Variants in BCAS3 observed in about 807,000 individuals in gnomAD.
The protein encoded by BCAS3 is BCAS3 microtubule associated cell migration factor.
Under a neutral mutation model 116.1 loss-of-function variants are expected in BCAS3, and 53 were observed. That is an observed-to-expected ratio of 0.46 (90% CI 0.37 to 0.57). BCAS3 has a LOEUF of 0.57. Ranked by LOEUF, BCAS3 falls within the 20% of genes least tolerant of loss-of-function variation. The pLI is 0.00. For synonymous variants in BCAS3, 391 were observed against 408.2 expected (o/e 0.96, Z 0.51); for missense variants, 917 against 1,165.4 (o/e 0.79, Z 3.10).
chr17:61,330,145 G>A (rs181688595), intron 22 of BCAS3, among the ~76,000 whole-genome samples: 38 of 152,236 alleles, frequency 2.5e-4, no homozygotes, highest in Non-Finnish European at 5.1e-4. Flanking sequence ...TCTTTTCATA[G>A]GCTGAGAGAA....
At position 60,744,480 on chromosome 17, in the gene BCAS3, T is replaced by G. The variant is rs73990958; in HGVS notation, c.322-2718T>G. Among the ~76,000 whole-genome samples, 285 of 152,304 alleles carry G rather than the reference T, an allele frequency of 1.9e-3. 3 individuals are homozygous for G. The highest frequency in any genetic ancestry group is 6.5e-3 in the African/African-American group (272 of 41,560). ...TCCTTTCTAAAACGTATGGATCATATCTGTATAAACCTTAACTCTGTTTCT... is the reference window on the plus strand; with the variant it reads ...TCCTTTCTAAAACGTATGGATCATAGCTGTATAAACCTTAACTCTGTTTCT... On this transcript the variant is annotated intron_variant, in intron 5 of 23. Coordinates refer to ENST00000407086, the MANE Select transcript of BCAS3 (RefSeq NM_017679.5).
chr17:61,306,449 A>T (rs1028746378), intron 22 of BCAS3, among the ~76,000 whole-genome samples: 3 of 152,354 alleles, frequency 2.0e-5, no homozygotes, highest in African/African-American at 7.2e-5. Flanking sequence ...GAAAGTACTC[A>T]ATAGCACCAA....
At chr17:60,998,232 C>T (rs55776710) in intron 15 of BCAS3, among the ~76,000 whole-genome samples, 2 of 152,074 alleles carry the variant, frequency 1.3e-5, no homozygotes, top group African/African-American at 2.4e-5. Context: ...CACATTTAAA[C>T]AATCTAATCC....
rs1219616939 is a variant in BCAS3, at chr17:60,930,180, A to G, written c.1087+5680A>G. On this transcript the variant is annotated intron_variant, in intron 13 of 23. Transcript: ENST00000407086. The stretch of plus-strand genomic sequence containing the variant: ...CTTCTTTACCCATACATGTAACCAT[A>G]TATGTTTTAAAATTTATATTAGGAA... Among the ~76,000 whole-genome samples the G allele has an allele frequency of 2.0e-5, 3 of 152,322 alleles. No individual in the cohort carries two copies. The East Asian group carries it at 5.8e-4, about 29-fold the overall frequency.
At position 61,218,745 on chromosome 17, in the gene BCAS3, G is replaced by A. The variant is rs763303128; in HGVS notation, c.2425+134181G>A. Among the ~76,000 whole-genome samples the A allele has an allele frequency of 5.3e-5, 8 of 152,146 alleles. No homozygotes were observed. In the East Asian group the frequency reaches 7.7e-4, roughly 15 times the overall value. ...CTTTTCAGTTCTCAGTTTGCTATGA[G>A]GACAGAGACTTAGCTAGGGTTACTG... On this transcript the variant is annotated intron_variant, in intron 22 of 23. Transcript: ENST00000407086.
chr17:60,991,900 G>A (rs529712731), intron 15 of BCAS3, among the ~76,000 whole-genome samples: 14 of 151,874 alleles, frequency 9.2e-5, no homozygotes, highest in African/African-American at 3.1e-4. Flanking sequence ...CTTTCATTTA[G>A]TATAATGTTT....
In BCAS3 at chr17:61,087,757, A is replaced by G. The variant is rs933379573; in HGVS notation, c.2425+3193A>G. On this transcript the variant is annotated intron_variant, in intron 22 of 23. Coordinates refer to ENST00000407086, the MANE Select transcript of BCAS3 (RefSeq NM_017679.5). This position sits in a 1 kb window ranked among gnomAD's most constrained non-coding sequence, Gnocchi z 4.6. ...GTAAATTCTATGCCTTTAGACACCT[A>G]TGAACTAGATTCTTACTGTCTCTCT... Among the ~76,000 whole-genome samples, 1 of 152,210 alleles carries G rather than the reference A, an allele frequency of 6.6e-6. No individual in the cohort carries two copies. Among genetic ancestry groups the G allele is most frequent in the African/African-American group, 2.4e-5 (1 of 41,434 alleles).
intron 9 of BCAS3, among the ~76,000 whole-genome samples, chr17:60,879,066 A>T (rs766186681): frequency 4.6e-5 from 7 of 152,104 alleles, no homozygotes; most frequent in Non-Finnish European, 7.4e-5. Flanking sequence ...AAGGTATAGG[A>T]TATAGAGACT....
At position 61,261,959 on chromosome 17, in the gene BCAS3, A is replaced by G. The variant is rs1368198288; in HGVS notation, c.2426-106368A>G. 6.6e-6 allele frequency among the ~76,000 whole-genome samples: 1 copy of G among 152,212 alleles called. No individual in the cohort carries two copies. The highest frequency in any genetic ancestry group is 1.5e-5 in the Non-Finnish European group (1 of 68,040). ...TGAAGAGAAAGCTAAGAGAGATGAG[A>G]CAAGGATGTCCACGAATACCGTTTC... On this transcript the variant is annotated intron_variant, in intron 22 of 23. Transcript: ENST00000407086. The surrounding 1 kb of genome is among the most constrained non-coding windows in gnomAD (Gnocchi z 4.4).
intron 22 of BCAS3, among the ~76,000 whole-genome samples, chr17:61,283,236 A>T (rs1340498064): frequency 6.6e-6 from 1 of 152,194 alleles, no homozygotes; most frequent in African/African-American, 2.4e-5. Context: ...AATGAATTCA[A>T]CTAGTCTTGG....
At chr17:61,061,874 C>G (rs2143310440) in intron 19 of BCAS3, among the ~76,000 whole-genome samples, 1 of 152,118 alleles carries the variant, frequency 6.6e-6, no homozygotes, top group South Asian at 2.1e-4. Flanking sequence ...TAAAGCTGGT[C>G]CTATGTTTGA....
chr17:61,375,215 T>C (rs2059271558), intron 23 of BCAS3, among the ~76,000 whole-genome samples: 1 of 129,338 alleles, frequency 7.7e-6, no homozygotes, highest in South Asian at 2.8e-4. Flanking sequence ...CTAAAAGCAC[T>C]ATTTGTGTGT....
Position 61,122,189 on chromosome 17 carries a change from C to A in BCAS3, c.2425+37625C>A, listed in dbSNP as rs1433742001. ...AATCACAACTAAAATCATACACATG[C>A]ATCTTCCAGTGACGCATTTGAAATG... is the stretch of plus-strand genomic sequence containing the variant. On this transcript the variant is annotated intron_variant, in intron 22 of 23. Coordinates refer to ENST00000407086, the MANE Select transcript of BCAS3 (RefSeq NM_017679.5). The surrounding 1 kb of genome is among the most constrained non-coding windows in gnomAD (Gnocchi z 4.6). Among the ~76,000 whole-genome samples, 1 of 152,204 alleles carries A rather than the reference C, an allele frequency of 6.6e-6. No individual in the cohort carries two copies. Among genetic ancestry groups the A allele is most frequent in the South Asian group, 2.1e-4 (1 of 4,834 alleles).
intron 19 of BCAS3, among the ~76,000 whole-genome samples, chr17:61,052,270 TTTAATTCTGTATCTGTAAGTATA>T (rs1160636393): frequency 6.6e-6 from 1 of 152,140 alleles, no homozygotes; most frequent in Non-Finnish European, 1.5e-5. Context: ...TTATATAGTT[TTTAATTCTGTATCTGTAAGTATA>T]TTAATTCTTT....
At chr17:61,038,236 C>A (rs1479867486) in intron 18 of BCAS3, among the ~76,000 whole-genome samples, 182 bp downstream of exon 18, 1 of 151,900 alleles carries the variant, frequency 6.6e-6, no homozygotes, top group Non-Finnish European at 1.5e-5. Flanking sequence ...CTCCTTCTTT[C>A]ACCCCCTTTG....
chr17:61,204,705 A>G lies in BCAS3; in HGVS notation c.2425+120141A>G, dbSNP rs1032220251. ...TGCTCAGTCTTTACCTTGGCGGAGAATGAAAAACTGCCTTGGAACTTATTA... is the reference window on the plus strand; with the variant it reads ...TGCTCAGTCTTTACCTTGGCGGAGAGTGAAAAACTGCCTTGGAACTTATTA... On this transcript the variant is annotated intron_variant, in intron 22 of 23. Coordinates refer to ENST00000407086, the MANE Select transcript of BCAS3 (RefSeq NM_017679.5). This position sits in a 1 kb window ranked among gnomAD's most constrained non-coding sequence, Gnocchi z 4.2. 2.6e-5 allele frequency among the ~76,000 whole-genome samples: 4 copies of G among 152,152 alleles called. No individual in the cohort carries two copies. Among genetic ancestry groups the G allele is most frequent in the Admixed American group, 2.0e-4 (3 of 15,260 alleles).
intron 6 of BCAS3, among the ~76,000 whole-genome samples, chr17:60,768,606 A>G (rs753861720): frequency 3.3e-5 from 5 of 152,034 alleles, no homozygotes; most frequent in Admixed American, 6.5e-5. Flanking sequence ...CCTTTTTTAT[A>G]TATCTATCTA....
rs944189580 is a variant in BCAS3 at position 61,198,362 on chromosome 17, G to A, written c.2425+113798G>A. On this transcript the variant is annotated intron_variant, in intron 22 of 23. Coordinates refer to ENST00000407086, the MANE Select transcript of BCAS3 (RefSeq NM_017679.5). This position sits in a 1 kb window ranked among gnomAD's most constrained non-coding sequence, Gnocchi z 5.0. ...TCACCGTGTTAGCCAGGATGTTCTCGATCTCCTGACCTCGTGATCCACCCG... is the reference window on the plus strand; with the variant it reads ...TCACCGTGTTAGCCAGGATGTTCTCAATCTCCTGACCTCGTGATCCACCCG... 2.0e-5 allele frequency among the ~76,000 whole-genome samples: 3 copies of A among 152,162 alleles called. No homozygotes were observed. In the East Asian group the frequency reaches 5.8e-4, roughly 29 times the overall value.
intron 22 of BCAS3, among the ~76,000 whole-genome samples, chr17:61,310,715 G>C (rs1455861862): frequency 1.3e-5 from 2 of 152,176 alleles, no homozygotes; most frequent in Non-Finnish European, 2.9e-5. Flanking sequence ...AGGGGGGCAG[G>C]CCTCTGTGCC....
Sources: allele counts gnomAD v4.1 joint callset (sites outside exome capture counted in the v4.1 genomes callset), GRCh38; gene constraint gnomAD v4.1.1; non-coding constraint Gnocchi (gnomAD v3.1); transcripts MANE v1.5; gene names NCBI Gene and HGNC (gene_info 2026-07-23, HGNC 2026-07-21).